ZNF385D: variants seen among roughly 807,000 people sequenced by gnomAD.
The protein encoded by ZNF385D is zinc finger protein 659.
ZNF385D carries 15 observed loss-of-function variants against 35.8 expected under a neutral mutation model. The observed-to-expected ratio is 0.42, with a 90% CI of 0.28 to 0.64. The LOEUF (loss-of-function observed/expected upper bound fraction) is 0.64. Ranked by LOEUF, ZNF385D falls within the 30% of genes least tolerant of loss-of-function variation. The pLI, the probability that ZNF385D is intolerant of heterozygous loss-of-function variation, is 0.23. For missense variants in ZNF385D, 474 were observed against 494.6 expected (o/e 0.96, Z 0.39); for synonymous variants, 212 against 186.8 (o/e 1.13, Z -1.10).
chr3:21,866,061 G>C (rs866991974), intron 3 of ZNF385D, among the ~76,000 whole-genome samples: 3 of 151,782 alleles, frequency 2.0e-5, no homozygotes, highest in Non-Finnish European at 2.9e-5. Flanking sequence ...ACATTAGTAT[G>C]TGTATGTACA....
At chr3:21,453,939 A>C (rs1472928901) in intron 4 of ZNF385D, among the ~76,000 whole-genome samples, 1 of 152,102 alleles carries the variant, frequency 6.6e-6, no homozygotes, top group Non-Finnish European at 1.5e-5. Flanking sequence ...ATAATTGTCA[A>C]AAGGTAGTAA....
intron 3 of ZNF385D, among the ~76,000 whole-genome samples, chr3:22,092,216 C>A (rs993628168): frequency 2.0e-4 from 30 of 152,238 alleles, no homozygotes; most frequent in African/African-American, 7.2e-4. Context: ...TGTAAACATT[C>A]CTTCTTTGCC....
intron 3 of ZNF385D, among the ~76,000 whole-genome samples, chr3:22,127,191 GGACTTACTCCT>G (rs1200182265): frequency 6.6e-6 from 1 of 151,750 alleles, no homozygotes; most frequent in African/African-American, 2.4e-5. Flanking sequence ...TGATAACTAA[GGACTTACTCCT>G]GACATTTTGT....
At chr3:21,970,741 A>G (rs1412465724) in intron 3 of ZNF385D, among the ~76,000 whole-genome samples, 1 of 152,120 alleles carries the variant, frequency 6.6e-6, no homozygotes, top group Non-Finnish European at 1.5e-5. Flanking sequence ...GATTTAACCC[A>G]AGGAAGACTG....
chr3:21,879,967 G>A (rs191633762), intron 3 of ZNF385D, among the ~76,000 whole-genome samples: 1 of 151,922 alleles, frequency 6.6e-6, no homozygotes, highest in South Asian at 2.1e-4. Flanking sequence ...CACCAAATTA[G>A]AGTCTGGCCA....
intron 3 of ZNF385D, among the ~76,000 whole-genome samples, chr3:21,878,960 G>A (rs1310339295): frequency 1.3e-5 from 2 of 152,000 alleles, no homozygotes; most frequent in African/African-American, 4.8e-5. Flanking sequence ...AAAGAGCCAT[G>A]TACATTTGGA....
rs568991901 is a variant in ZNF385D, at chr3:21,672,530, A to G, written c.23-7502T>C. Among the ~76,000 whole-genome samples the G allele has an allele frequency of 1.1e-3, 171 of 152,208 alleles. 1 individual carries two copies. The highest frequency in any genetic ancestry group is 4.1e-3 in the African/African-American group (169 of 41,550). On this transcript the variant is annotated intron_variant, in intron 1 of 7. Transcript: ENST00000281523. ...TGAGGTGAGAATGGGAGTATGAGTC[A>G]GGGCAATTGGAGCTCCATTCTGGAA...
chr3:21,994,341 C>T (rs577953914), intron 3 of ZNF385D, among the ~76,000 whole-genome samples: 100 of 152,256 alleles, frequency 6.6e-4, no homozygotes, highest in Non-Finnish European at 1.1e-3. Flanking sequence ...ATCTATTGTA[C>T]TTGTTAATTT....
chr3:22,026,023 C>A (rs1697524264), intron 3 of ZNF385D, among the ~76,000 whole-genome samples: 1 of 152,096 alleles, frequency 6.6e-6, no homozygotes, highest in Admixed American at 6.5e-5. Flanking sequence ...AGAGGCAAAG[C>A]AGCAATCAGA....
intron 3 of ZNF385D, among the ~76,000 whole-genome samples, chr3:22,119,229 C>T (rs1326181184): frequency 1.3e-5 from 2 of 152,038 alleles, no homozygotes; most frequent in Non-Finnish European, 1.5e-5. Flanking sequence ...TTGTCAGCTA[C>T]TTAACATGGA....
chr3:22,251,228 G>A (rs1176082979), intron 2 of ZNF385D, among the ~76,000 whole-genome samples: 1 of 152,238 alleles, frequency 6.6e-6, no homozygotes, highest in East Asian at 1.9e-4. Context: ...CCGTTTACAT[G>A]AGTGCTTAAG....
chr3:22,097,054 T>G (rs891371049), intron 3 of ZNF385D, among the ~76,000 whole-genome samples: 8 of 152,106 alleles, frequency 5.3e-5, no homozygotes, highest in Admixed American at 5.3e-4. Context: ...TAGGAGAAAG[T>G]GACTGCATTA....
At chr3:21,636,399 TATATATATATATATAG>T (rs901394664) in intron 2 of ZNF385D, among the ~76,000 whole-genome samples, 1 of 40,988 alleles carries the variant, frequency 2.4e-5, no homozygotes, top group Non-Finnish European at 4.7e-5. Flanking sequence ...TATATATATA[TATATATATATATATAG>T]AGTTTCTTAA....
intron 3 of ZNF385D, among the ~76,000 whole-genome samples, chr3:21,916,025 G>A (rs890923554): frequency 6.6e-6 from 1 of 152,060 alleles, no homozygotes; most frequent in African/African-American, 2.4e-5. Flanking sequence ...TATGCACTAG[G>A]TTTTGTTTTA....
At chr3:21,971,795 A>G (rs1195992760) in intron 3 of ZNF385D, among the ~76,000 whole-genome samples, 1 of 151,974 alleles carries the variant, frequency 6.6e-6, no homozygotes, top group East Asian at 1.9e-4. Flanking sequence ...ACTGAAAGCC[A>G]AAAAAGAGCA....
chr3:22,344,519 A>G (rs1202370466), intron 2 of ZNF385D, among the ~76,000 whole-genome samples: 1 of 152,006 alleles, frequency 6.6e-6, no homozygotes, highest in Non-Finnish European at 1.5e-5. Context: ...CCTCCTGAGT[A>G]TCTAGGACTA....
chr3:21,825,185 T>G (rs1694520367), intron 3 of ZNF385D, among the ~76,000 whole-genome samples: 1 of 152,208 alleles, frequency 6.6e-6, no homozygotes. Context: ...AAAAAAATTC[T>G]GATTATTTTT....
intron 3 of ZNF385D, among the ~76,000 whole-genome samples, chr3:22,086,468 A>G (rs1194650805): frequency 6.6e-6 from 1 of 152,176 alleles, no homozygotes; most frequent in East Asian, 1.9e-4. Flanking sequence ...AAGAGAATAA[A>G]ATACCTAGGA....
intron 3 of ZNF385D, among the ~76,000 whole-genome samples, chr3:21,923,077 A>G (rs982555059): frequency 6.6e-6 from 1 of 152,154 alleles, no homozygotes; most frequent in African/African-American, 2.4e-5. Context: ...GTACATGTGC[A>G]CAACATGCAG....
Sources: allele counts gnomAD v4.1 joint callset (sites outside exome capture counted in the v4.1 genomes callset), GRCh38; gene constraint gnomAD v4.1.1; transcripts MANE v1.5; gene names NCBI Gene and HGNC (gene_info 2026-07-23, HGNC 2026-07-21).